Variants in ATP8A1 observed in about 807,000 individuals in gnomAD.
ATP8A1 encodes ATPase phospholipid transporting 8A1, also known as phospholipid-transporting ATPase IA.
ATP8A1 carries 90 observed loss-of-function variants against 177.7 expected under a neutral mutation model. The observed-to-expected ratio is 0.51, with a 90% CI of 0.43 to 0.60. ATP8A1 has a LOEUF of 0.60. ATP8A1 is among the 20% of genes least tolerant of loss of function. The pLI, the probability that ATP8A1 is intolerant of heterozygous loss-of-function variation, is 0.00. For missense variants in ATP8A1, 1,072 were observed against 1,392.8 expected, an observed-to-expected ratio of 0.77 and a Z score of 3.67; for synonymous variants, 493 against 485.9, an observed-to-expected ratio of 1.01 and a Z score of -0.19.
chr4:42,572,285 C>T (rs967805202), intron 14 of ATP8A1, among the ~76,000 whole-genome samples: 2 of 152,176 alleles, frequency 1.3e-5, no homozygotes, highest in Non-Finnish European at 2.9e-5. Flanking sequence ...ATAGCAAAGC[C>T]AGGTCATTTC....
chr4:42,484,335 A>T (rs1261904569), intron 25 of ATP8A1, among the ~76,000 whole-genome samples: 2 of 152,208 alleles, frequency 1.3e-5, no homozygotes, highest in African/African-American at 4.8e-5. Flanking sequence ...GTTAATACAT[A>T]CCACAGAAAA....
chr4:42,562,405 T>G (rs1478608266), intron 15 of ATP8A1: 1 of 153,954 alleles, frequency 6.5e-6, no homozygotes, highest in Non-Finnish European at 1.4e-5. Flanking sequence ...GGGGACCCAC[T>G]GCTGCTGCTG....
intron 29 of ATP8A1, among the ~76,000 whole-genome samples, chr4:42,453,768 C>T (rs1577963276): frequency 6.6e-6 from 1 of 152,120 alleles, no homozygotes; most frequent in Non-Finnish European, 1.5e-5. Flanking sequence ...GTAGACGAGG[C>T]CTGTGGCTGA....
intron 5 of ATP8A1, among the ~76,000 whole-genome samples, chr4:42,602,305 A>G (rs978981240): frequency 4.5e-4 from 68 of 152,280 alleles, no homozygotes; most frequent in African/African-American, 1.6e-3. Flanking sequence ...AGCTCACCCA[A>G]ACTGATCCCA....
chr4:42,555,219 T>C (rs76662014), intron 16 of ATP8A1, among the ~76,000 whole-genome samples: 1,403 of 63,500 alleles, frequency 0.022, 24 homozygotes, highest in Non-Finnish European at 0.03. Flanking sequence ...TGCCCCCCCC[T>C]AGAGAACCCT....
intron 9 of ATP8A1, among the ~76,000 whole-genome samples, chr4:42,585,598 C>T (rs1441828870): frequency 6.6e-6 from 1 of 150,426 alleles, no homozygotes; most frequent in African/African-American, 2.5e-5. Flanking sequence ...CCCCAGTTTC[C>T]AGAACTGTGA....
rs78448850 is a variant in ATP8A1, at chr4:42,640,076, A to C, written c.50-12967T>G. Among the ~76,000 whole-genome samples the C allele has an allele frequency of 4.7e-3, 722 of 152,312 alleles. 2 individuals are homozygous for C. The highest frequency in any genetic ancestry group is 0.016 in the African/African-American group (674 of 41,570). On this transcript the variant is annotated intron_variant, in intron 1 of 36. Transcript: ENST00000381668. ...TCCATGGACGTGAAACTCAGGGATA[A>C]GGAGGGCCACCTGCACTCTCCCAGT...
At chr4:42,590,662 C>T in intron 7 of ATP8A1, 149 bp downstream of exon 7, 1 of 679,650 alleles carries the variant, frequency 1.5e-6, no homozygotes, top group Non-Finnish European at 2.5e-6. Context: ...CCCTTTAAAA[C>T]ATCTGTGAAA....
chr4:42,456,957 A>C (rs1489427031), intron 27 of ATP8A1, among the ~76,000 whole-genome samples: 1 of 152,194 alleles, frequency 6.6e-6, no homozygotes, highest in Admixed American at 6.5e-5. Context: ...TCCTTTTTAC[A>C]GTGGAAAGGA....
At chr4:42,528,309 C>G (rs535807230) in intron 20 of ATP8A1, among the ~76,000 whole-genome samples, 1 of 152,126 alleles carries the variant, frequency 6.6e-6, no homozygotes, top group East Asian at 1.9e-4. Flanking sequence ...AGAGCTGCCT[C>G]TCCCTAGAAA....
intron 25 of ATP8A1, among the ~76,000 whole-genome samples, chr4:42,474,419 T>G (rs1396308630): frequency 6.6e-6 from 1 of 152,180 alleles, no homozygotes. Flanking sequence ...GGCTTAGGTT[T>G]GGAGCTTATG....
intron 36 of ATP8A1, among the ~76,000 whole-genome samples, chr4:42,414,100 A>G (rs566122917): frequency 6.6e-6 from 1 of 152,396 alleles, no homozygotes; most frequent in African/African-American, 2.4e-5. Context: ...TGGAAACAAC[A>G]TGAAACAAAA....
At chr4:42,514,248 C>A (rs1157121213) in intron 22 of ATP8A1, among the ~76,000 whole-genome samples, 1 of 152,180 alleles carries the variant, frequency 6.6e-6, no homozygotes, top group Non-Finnish European at 1.5e-5. Flanking sequence ...AGAATTCACA[C>A]ACCCAGCTGA....
intron 20 of ATP8A1, among the ~76,000 whole-genome samples, chr4:42,537,182 A>G (rs1330322234): frequency 6.6e-6 from 1 of 151,946 alleles, no homozygotes; most frequent in African/African-American, 2.4e-5. Flanking sequence ...TGATCATCTC[A>G]ATAGATGCAG....
At chr4:42,561,785 C>A (rs973095886) in intron 15 of ATP8A1, 3 of 152,222 alleles carry the variant, frequency 2.0e-5, no homozygotes, top group Non-Finnish European at 4.4e-5. Context: ...AGGAGTGGAT[C>A]TCAATAGGGA....
At chr4:42,605,577 C>G (rs533068053) in intron 5 of ATP8A1, among the ~76,000 whole-genome samples, 1 of 152,146 alleles carries the variant, frequency 6.6e-6, no homozygotes, top group Non-Finnish European at 1.5e-5. Flanking sequence ...CATGGAAAAC[C>G]GCCTCCAAAT....
chr4:42,496,803 C>A (rs1578051219), intron 24 of ATP8A1, among the ~76,000 whole-genome samples: 1 of 18,554 alleles, frequency 5.4e-5, no homozygotes, highest in East Asian at 6.0e-4. Flanking sequence ...TGCACATATA[C>A]CCCCCCCCAC....
intron 30 of ATP8A1, among the ~76,000 whole-genome samples, chr4:42,450,248 T>C (rs561869242): frequency 4.6e-5 from 7 of 152,312 alleles, no homozygotes; most frequent in African/African-American, 1.4e-4. Flanking sequence ...TCCATTTATA[T>C]AAAATGTCTA....
At position 42,636,119 on chromosome 4, in the gene ATP8A1, TACACACACACACACACAC is replaced by T. The variant is rs544619447; in HGVS notation, c.50-9028_50-9011del. On this transcript the variant is annotated intron_variant, in intron 1 of 36. Transcript: ENST00000381668. ...CTCCAAAGGAAAGCAATGGGCTTAA[TACACACACACACACACAC>T]ACACACACACACACACACACGCACA... Among the ~76,000 whole-genome samples, 414 of 79,084 alleles carry T rather than the reference TACACACACACACACACAC, an allele frequency of 5.2e-3. 1 individual carries two copies. Among genetic ancestry groups the T allele is most frequent in the African/African-American group, 0.019 (364 of 19,562 alleles). The allele number at this position is 79,084 out of a possible 152,430, so 51.9% of individuals were successfully genotyped here. A position where few individuals can be genotyped will look rare whatever the true frequency, so the allele number is the denominator to read the frequency against.
Sources: gnomAD v4.1 joint callset for allele counts (sites outside exome capture counted in the v4.1 genomes callset) on GRCh38, gnomAD v4.1.1 for gene constraint, MANE v1.5 for transcripts, NCBI Gene and HGNC (gene_info 2026-07-23, HGNC 2026-07-21) for gene names.